B9D2: variants seen among roughly 807,000 people sequenced by gnomAD.
B9D2 encodes B9 domain containing 2, also known as B9 domain-containing protein 2.
B9D2 carries 21 observed loss-of-function variants against 19.2 expected under a neutral mutation model. That is an observed-to-expected ratio of 1.09 (90% CI 0.78 to 1.58). The LOEUF is 1.58. Among genes scored for constraint, B9D2 ranks in the 40% most tolerant of loss-of-function variants. The pLI, the probability that B9D2 is intolerant of heterozygous loss-of-function variation, is 0.00. For synonymous variants in B9D2, 91 were observed against 100.6 expected, an observed-to-expected ratio of 0.90 and a Z score of 0.57; for missense variants, 221 against 244.3, an observed-to-expected ratio of 0.90 and a Z score of 0.64.
intron 2 of B9D2, among the ~76,000 whole-genome samples, chr19:41,358,484 C>T (rs1443492196): frequency 6.6e-6 from 1 of 152,038 alleles, no homozygotes; most frequent in Non-Finnish European, 1.5e-5. Flanking sequence ...AAAGCCACCA[C>T]TTCCTCTCCC....
At chr19:41,359,687 G>A (rs751065856) in intron 2 of B9D2, among the ~76,000 whole-genome samples, 2 of 151,044 alleles carry the variant, frequency 1.3e-5, no homozygotes, top group Non-Finnish European at 2.9e-5. Flanking sequence ...TGGGCAACAA[G>A]AGCGAAATTC....
At chr19:41,361,624 C>A in intron 2 of B9D2, among the ~76,000 whole-genome samples, 1 of 143,474 alleles carries the variant, frequency 7.0e-6, no homozygotes, top group Non-Finnish European at 1.5e-5. Context: ...CCCATCTCTA[C>A]TAAAAATACA....
At chr19:41,363,224 C>A in intron 2 of B9D2, 1 of 615,058 alleles carries the variant, frequency 1.6e-6, no homozygotes, top group Non-Finnish European at 2.9e-6. Context: ...CCAGCCCGGG[C>A]GCAGAGAGAG....
At chr19:41,358,491 T>C (rs2038351666) in intron 2 of B9D2, among the ~76,000 whole-genome samples, 2 of 151,950 alleles carry the variant, frequency 1.3e-5, no homozygotes, top group Non-Finnish European at 2.9e-5. Context: ...CCACTTCCTC[T>C]CCCATGATAA....
chr19:41,356,478 C>T (rs1331933656), intron 3 of B9D2, among the ~76,000 whole-genome samples: 1 of 152,098 alleles, frequency 6.6e-6, no homozygotes, highest in Admixed American at 6.5e-5. Context: ...GAGCTGCCCA[C>T]CTCACCCACA....
intron 3 of B9D2, among the ~76,000 whole-genome samples, chr19:41,355,959 G>A (rs575860323): frequency 2.0e-5 from 3 of 152,342 alleles, no homozygotes; most frequent in African/African-American, 7.2e-5. Flanking sequence ...GGAACAGCAA[G>A]TGCCAAGGCC....
chr19:41,355,018 A>G lies in B9D2; in HGVS notation c.215-5T>C. 1 of 1,581,440 alleles carries G rather than the reference A, an allele frequency of 6.3e-7. No homozygotes were observed. Among genetic ancestry groups the G allele is most frequent in the Non-Finnish European group, 8.6e-7 (1 of 1,161,866 alleles). ...GGAAATGGAGCCGGGGCCAGCCTGC[A>G]GGAAAGGAGAGAGAGGGGAAAGGAG... is the stretch of plus-strand genomic sequence containing the variant. On this transcript the variant is annotated splice_polypyrimidine_tract_variant and splice_region_variant and intron_variant, in intron 3 of 3. Coordinates refer to ENST00000243578, the MANE Select transcript of B9D2 (RefSeq NM_030578.4).
intron 2 of B9D2, among the ~76,000 whole-genome samples, chr19:41,361,614 C>A (rs916824200): frequency 2.1e-5 from 3 of 145,866 alleles, no homozygotes; most frequent in Middle Eastern, 3.5e-3. Flanking sequence ...ATGGTGAAAC[C>A]CCATCTCTAC....
At chr19:41,357,484 C>T (rs999498585) in intron 3 of B9D2, among the ~76,000 whole-genome samples, 1 of 152,184 alleles carries the variant, frequency 6.6e-6, no homozygotes, top group East Asian at 1.9e-4. Flanking sequence ...TGATGCCGCT[C>T]CTCCCCCAGT....
chr19:41,357,473 C>T (rs1488442994), intron 3 of B9D2, among the ~76,000 whole-genome samples: 1 of 152,172 alleles, frequency 6.6e-6, no homozygotes, highest in Non-Finnish European at 1.5e-5. Flanking sequence ...GAAAGGCTTT[C>T]TGATGCCGCT....
chr19:41,362,262 C>T (rs543049220), intron 2 of B9D2, among the ~76,000 whole-genome samples: 6 of 148,122 alleles, frequency 4.1e-5, no homozygotes, highest in Admixed American at 2.0e-4. Context: ...TGGTGGCGAG[C>T]GCCTGTAGTC....
rs370212534 is a variant in B9D2 at position 41,356,230 on chromosome 19, CA to C, written c.215-1218del. ...TCCCAGCTGCATGTGGGGTGCAGAC[CA>C]GGGGGGTTGGGGAAGGGGACTCCAG... On this transcript the variant is annotated intron_variant, in intron 3 of 3. Transcript: ENST00000243578. Among the ~76,000 whole-genome samples the C allele has an allele frequency of 6.4e-4, 97 of 152,092 alleles. 1 individual carries two copies. Among genetic ancestry groups the C allele is most frequent in the African/African-American group, 2.1e-3 (87 of 41,486 alleles).
rs374581827 is a variant in B9D2, at chr19:41,354,869, C to A, written c.359G>T (p.Arg120Leu). The stretch of plus-strand genomic sequence containing the variant: ...CACGAAAGCCCGTGCCAACTGTTCT[C>A]GCCAACTGCCCAGGGGCCGCCACGT... ...CPTWRPLGSW[R>L]EQLARAFVGG... Residue 120 changes from arginine to leucine, a missense_variant, in exon 4 of 4, where the codon CGA becomes CTA. By Grantham distance (102) the Arg-to-Leu change is moderately radical (BLOSUM62 -2). Transcript: ENST00000243578. The A allele has an allele frequency of 8.1e-6, 13 of 1,613,892 alleles. No individual in the cohort carries two copies. Among genetic ancestry groups the A allele is most frequent in the Non-Finnish European group, 1.1e-5 (13 of 1,179,956 alleles).
In B9D2 at chr19:41,357,915, C is replaced by T. The variant is rs1224741304; in HGVS notation, c.196G>A (p.Ala66Thr). The part of the protein sequence containing the change: ...YWSHPIDLHF[A>T]TKGLQGWPRL... The stretch of plus-strand genomic sequence containing the variant: ...TACCCACCTTGAAGACCTTTGGTGG[C>T]GAAGTGCAGGTCGATGGGGTGGGAC... Residue 66 changes from alanine (A) to threonine (T), a missense_variant, in exon 3 of 4, where the codon GCC becomes ACC. By Grantham distance (58) the Ala-to-Thr change is moderately conservative (BLOSUM62 0). Transcript: ENST00000243578. 9 of 1,613,980 alleles carry T rather than the reference C, an allele frequency of 5.6e-6. No homozygotes were observed. Among genetic ancestry groups the T allele is most frequent in the African/African-American group, 1.3e-5 (1 of 74,900 alleles).
intron 2 of B9D2, among the ~76,000 whole-genome samples, chr19:41,359,691 G>A (rs910247231): frequency 1.3e-5 from 2 of 151,014 alleles, no homozygotes; most frequent in African/African-American, 2.4e-5. Flanking sequence ...CAACAAGAGC[G>A]AAATTCCATC....
intron 3 of B9D2, among the ~76,000 whole-genome samples, chr19:41,355,566 C>T (rs2038300219): frequency 6.6e-6 from 1 of 152,196 alleles, no homozygotes; most frequent in African/African-American, 2.4e-5. Flanking sequence ...GAACACAGTT[C>T]AGCTCCTCAG....
At chr19:41,357,274 G>A (rs1298490477) in intron 3 of B9D2, among the ~76,000 whole-genome samples, 1 of 152,136 alleles carries the variant, frequency 6.6e-6, no homozygotes. Flanking sequence ...CCATAGGACG[G>A]TGAACCCTGT....
At chr19:41,362,638 C>T in intron 2 of B9D2, among the ~76,000 whole-genome samples, 1 of 152,174 alleles carries the variant, frequency 6.6e-6, no homozygotes, top group Non-Finnish European at 1.5e-5. Flanking sequence ...TTCTATGACT[C>T]TCATTGTACA....
In B9D2 at chr19:41,357,942, A is replaced by T. The variant is rs1247445048; in HGVS notation, c.169T>A (p.Trp57Arg). The change falls in exon 3 of 4, where the codon TGG becomes AGG. Residue 57 changes from tryptophan to arginine, a missense_variant. Trp to Arg is a moderately radical substitution (Grantham distance 101). Transcript: ENST00000243578. ...AAGTGCAGGTCGATGGGGTGGGACC[A>T]GTAAGCCATGTCCCCTATCTGCGGG... ...DTPQIGDMAY[W>R]SHPIDLHFAT... is the part of the protein sequence containing the mutation. 1.2e-6 allele frequency: 2 copies of T among 1,614,110 alleles called. No individual in the cohort carries two copies. The highest frequency in any genetic ancestry group is 1.7e-6 in the Non-Finnish European group (2 of 1,180,000).
Sources: gnomAD v4.1 joint callset for allele counts (sites outside exome capture counted in the v4.1 genomes callset) on GRCh38, gnomAD v4.1.1 for gene constraint, MANE v1.5 for transcripts, NCBI Gene and HGNC (gene_info 2026-07-23, HGNC 2026-07-21) for gene names.